The following CDKAL1 variants were observed in gnomAD, a reference collection of about 807,000 sequenced individuals.
CDKAL1 encodes threonylcarbamoyladenosine tRNA methylthiotransferase.
CDKAL1 carries 32 observed loss-of-function variants against 68.2 expected under a neutral mutation model. The ratio of observed to expected loss-of-function variants is 0.47; its 90% CI spans 0.35 to 0.63. CDKAL1 has a LOEUF of 0.63. Ranked by LOEUF, CDKAL1 falls within the 30% of genes least tolerant of loss-of-function variation. The pLI is 0.00. For synonymous variants in CDKAL1, 234 were observed against 244.3 expected, an observed-to-expected ratio of 0.96 and a Z score of 0.39; for missense variants, 606 against 696.7, an observed-to-expected ratio of 0.87 and a Z score of 1.47.
intron 8 of CDKAL1, among the ~76,000 whole-genome samples, chr6:20,786,785 G>A (rs1005484539): frequency 6.6e-6 from 1 of 152,048 alleles, no homozygotes; most frequent in Non-Finnish European, 1.5e-5. Flanking sequence ...GTGAGCCACC[G>A]CTCCCGGCCT....
intron 13 of CDKAL1, among the ~76,000 whole-genome samples, chr6:21,151,800 G>A (rs1005518666): frequency 7.9e-5 from 12 of 152,014 alleles, no homozygotes; most frequent in Non-Finnish European, 1.6e-4. Flanking sequence ...GCAGTGCCTA[G>A]TACAGTTTTT....
intron 4 of CDKAL1, among the ~76,000 whole-genome samples, chr6:20,560,990 A>C (rs1764243262): frequency 6.6e-6 from 1 of 152,202 alleles, no homozygotes; most frequent in Non-Finnish European, 1.5e-5. Flanking sequence ...CACTGCTGCC[A>C]TTAGCTTATT....
intron 9 of CDKAL1, among the ~76,000 whole-genome samples, chr6:20,875,543 A>AG (rs1224161736): frequency 2.6e-5 from 4 of 152,008 alleles, no homozygotes; most frequent in Admixed American, 2.6e-4. Flanking sequence ...AGATGTGGGG[A>AG]GGGGGGTTGG....
intron 12 of CDKAL1, among the ~76,000 whole-genome samples, chr6:21,085,040 C>A (rs763315812): frequency 7.2e-5 from 11 of 152,152 alleles, no homozygotes; most frequent in Non-Finnish European, 1.6e-4. Context: ...AAATCCTATC[C>A]TATTAACAAA....
intron 4 of CDKAL1, among the ~76,000 whole-genome samples, chr6:20,616,345 G>A (rs1369477462): frequency 2.7e-5 from 4 of 147,898 alleles, no homozygotes; most frequent in South Asian, 4.4e-4. Context: ...GATGGGGATG[G>A]CATTGAATCT....
chr6:20,896,164 G>A lies in CDKAL1; in HGVS notation c.742+49986G>A, dbSNP rs533641018. On this transcript the variant is annotated intron_variant, in intron 9 of 15. Coordinates refer to ENST00000274695, the MANE Select transcript of CDKAL1 (RefSeq NM_017774.3). Reference sequence around the variant, plus strand: ...TTGCCAGACTGGAGTGCAGTGGCGCGATCTTGGCTCACTGCAGCCTCCGCC... The same window carrying A: ...TTGCCAGACTGGAGTGCAGTGGCGCAATCTTGGCTCACTGCAGCCTCCGCC... Among the ~76,000 whole-genome samples the A allele has an allele frequency of 1.7e-3, 242 of 140,522 alleles. 1 individual carries two copies. The highest frequency in any genetic ancestry group is 3.5e-3 in the Admixed American group (45 of 12,778). The allele number at this position is 140,522 out of a possible 152,430, so 92.2% of individuals were successfully genotyped here. A position where few individuals can be genotyped will look rare whatever the true frequency, so the allele number is the denominator to read the frequency against.
chr6:20,899,349 C>T (rs895218812), intron 9 of CDKAL1, among the ~76,000 whole-genome samples: 3 of 152,124 alleles, frequency 2.0e-5, no homozygotes, highest in African/African-American at 7.2e-5. Context: ...AGGCTTGAGC[C>T]ACTGCGCCCG....
chr6:20,848,283 T>TTTTGTTTTTTTTG lies in CDKAL1; in HGVS notation c.742+2108_742+2109insGTTTTTTTTGTTT, dbSNP rs112015484. ...TTTGTTACTTGCTGGAAAGTTGTTT[T>TTTTGTTTTTTTTG]TTTTTTTTTTCCAATTTAGTTCTAG... On this transcript the variant is annotated intron_variant, in intron 9 of 15. Transcript: ENST00000274695. Among the ~76,000 whole-genome samples, 49 of 132,752 alleles carry TTTTGTTTTTTTTG rather than the reference T, an allele frequency of 3.7e-4. 1 individual carries two copies. Among genetic ancestry groups the TTTTGTTTTTTTTG allele is most frequent in the South Asian group, 1.9e-3 (8 of 4,212 alleles). The allele number at this position is 132,752 out of a possible 152,430, so 87.1% of individuals were successfully genotyped here.
At position 20,917,223 on chromosome 6, in the gene CDKAL1, C is replaced by T. The variant is rs185758104; in HGVS notation, c.743-38196C>T. ...CTTGAACTCCTGACCTCAGGTGATC[C>T]GCCCGCCTCGGCCTCCCAAAGTGCT... On this transcript the variant is annotated intron_variant, in intron 9 of 15. Transcript: ENST00000274695. 4.4e-3 allele frequency among the ~76,000 whole-genome samples: 668 copies of T among 152,220 alleles called. 2 individuals are homozygous for T. Among genetic ancestry groups the T allele is most frequent in the Non-Finnish European group, 7.6e-3 (516 of 68,010 alleles).
intron 9 of CDKAL1, among the ~76,000 whole-genome samples, chr6:20,855,419 G>C (rs1170313481): frequency 1.6e-5 from 2 of 123,358 alleles, no homozygotes; most frequent in African/African-American, 6.0e-5. Context: ...CTCCAGCCTG[G>C]GAGACAGAGC....
intron 4 of CDKAL1, among the ~76,000 whole-genome samples, chr6:20,629,477 C>T (rs9465841): frequency 0.19 from 28,818 of 152,110 alleles, 2,849 homozygotes; most frequent in East Asian, 0.37. Context: ...TCCCCTTCCT[C>T]TTCAAACTTT....
intron 15 of CDKAL1, among the ~76,000 whole-genome samples, chr6:21,209,501 G>A (rs1028785499): frequency 9.2e-5 from 14 of 152,174 alleles, no homozygotes; most frequent in African/African-American, 3.4e-4. Flanking sequence ...CTTGGTCTTC[G>A]AGAAGTTTTT....
At chr6:20,554,239 A>G (rs909800957) in intron 4 of CDKAL1, among the ~76,000 whole-genome samples, 2 of 152,250 alleles carry the variant, frequency 1.3e-5, no homozygotes, top group African/African-American at 2.4e-5. Context: ...TCGTGGGTAC[A>G]TGGATATGTG....
chr6:20,877,290 A>C (rs1760569491), intron 9 of CDKAL1, among the ~76,000 whole-genome samples: 1 of 152,348 alleles, frequency 6.6e-6, no homozygotes, highest in South Asian at 2.1e-4. Context: ...TCTGACCTGG[A>C]CAGATTTGTG....
intron 15 of CDKAL1, among the ~76,000 whole-genome samples, chr6:21,222,171 C>T (rs1347308437): frequency 3.9e-5 from 6 of 152,120 alleles, no homozygotes; most frequent in South Asian, 4.1e-4. Context: ...AAAACCCACC[C>T]GTGATATTAA....
At chr6:20,750,366 C>G (rs986042599) in intron 6 of CDKAL1, among the ~76,000 whole-genome samples, 1 of 152,046 alleles carries the variant, frequency 6.6e-6, no homozygotes, top group Non-Finnish European at 1.5e-5. Flanking sequence ...TGTTATGTCC[C>G]CAGTTACTAG....
intron 8 of CDKAL1, among the ~76,000 whole-genome samples, chr6:20,785,085 A>T (rs1337298021): frequency 2.6e-5 from 4 of 152,060 alleles, no homozygotes; most frequent in African/African-American, 9.7e-5. Flanking sequence ...TGTATCCTTC[A>T]CATTAGAGTA....
intron 10 of CDKAL1, among the ~76,000 whole-genome samples, chr6:20,997,604 A>G (rs796463289): frequency 2.2e-4 from 33 of 152,294 alleles, no homozygotes; most frequent in African/African-American, 6.5e-4. Context: ...TAATTTGTAA[A>G]TTGGCATACT....
rs151066330 is a variant in CDKAL1 at position 21,190,470 on chromosome 6, C to T, written c.1300-7551C>T. ...GCACCATCTGCCTCCCAGGTTCAAG[C>T]GATTCTCCTGCCTCAGCCTCCCGAG... On this transcript the variant is annotated intron_variant, in intron 13 of 15. Coordinates refer to ENST00000274695, the MANE Select transcript of CDKAL1 (RefSeq NM_017774.3). 1.8e-3 allele frequency among the ~76,000 whole-genome samples: 273 copies of T among 152,034 alleles called. 1 individual carries two copies. Among genetic ancestry groups the T allele is most frequent in the African/African-American group, 6.1e-3 (255 of 41,488 alleles).
Sources: allele counts gnomAD v4.1 joint callset (sites outside exome capture counted in the v4.1 genomes callset), GRCh38; gene constraint gnomAD v4.1.1; transcripts MANE v1.5; gene names NCBI Gene and HGNC (gene_info 2026-07-23, HGNC 2026-07-21).